The following ITPR2 variants were observed in gnomAD, a reference collection of about 807,000 sequenced individuals.
The protein encoded by ITPR2 is inositol 1,4,5-trisphosphate-gated calcium channel ITPR2.
Under a neutral mutation model 317.1 loss-of-function variants are expected in ITPR2, and 207 were observed. The ratio of observed to expected loss-of-function variants is 0.65; its 90% confidence interval spans 0.58 to 0.73. ITPR2 has a LOEUF of 0.73. Among genes scored for constraint, ITPR2 ranks in the 30% least tolerant of loss-of-function variants. The pLI is 0.00. For synonymous variants in ITPR2, 1,156 were observed against 1,149.1 expected, an observed-to-expected ratio of 1.01 and a Z score of -0.12; for missense variants, 2,613 against 3,284.0, an observed-to-expected ratio of 0.80 and a Z score of 4.99.
chr12:26,555,419 C>G (rs1408694377), intron 36 of ITPR2, among the ~76,000 whole-genome samples: 1 of 152,190 alleles, frequency 6.6e-6, no homozygotes, highest in Non-Finnish European at 1.5e-5. Flanking sequence ...ACCAAGCACC[C>G]TCTTTCTGAC....
intron 32 of ITPR2, 33 bp downstream of exon 32, chr12:26,595,432 T>C (rs1412170734): frequency 1.9e-6 from 3 of 1,590,266 alleles, no homozygotes; most frequent in Admixed American, 1.9e-5. Flanking sequence ...GAAATATCTA[T>C]TGACACCCTT....
chr12:26,510,252 C>T (rs1943304228), intron 37 of ITPR2, among the ~76,000 whole-genome samples: 1 of 152,112 alleles, frequency 6.6e-6, no homozygotes, highest in African/African-American at 2.4e-5. Context: ...TAAACGTACA[C>T]TATAATTACA....
chr12:26,637,775 T>C (rs936516910), intron 21 of ITPR2, among the ~76,000 whole-genome samples: 1 of 152,182 alleles, frequency 6.6e-6, no homozygotes, highest in Non-Finnish European at 1.5e-5. Flanking sequence ...ATAATTATAG[T>C]TCATAATGTC....
chr12:26,464,380 C>T (rs1000950430), intron 45 of ITPR2, among the ~76,000 whole-genome samples: 1 of 152,096 alleles, frequency 6.6e-6, no homozygotes. Flanking sequence ...TACCTAGATC[C>T]CTCACAAATA....
intron 9 of ITPR2, among the ~76,000 whole-genome samples, chr12:26,696,001 A>G (rs1290530863): frequency 6.9e-6 from 1 of 144,098 alleles, no homozygotes; most frequent in Non-Finnish European, 1.5e-5. Context: ...ACACAAATTA[A>G]ACAAAAAAAA....
At chr12:26,799,012 A>G (rs1043585410) in intron 1 of ITPR2, among the ~76,000 whole-genome samples, 18 of 152,234 alleles carry the variant, frequency 1.2e-4, no homozygotes, top group African/African-American at 4.1e-4. Context: ...ATTTAGCATT[A>G]TCTCCTATTT....
At chr12:26,827,116 A>T (rs1228637745) in intron 1 of ITPR2, among the ~76,000 whole-genome samples, 2 of 152,238 alleles carry the variant, frequency 1.3e-5, no homozygotes, top group Admixed American at 1.3e-4. Flanking sequence ...GCCAGTAGAA[A>T]ATAAAAATAG....
At position 26,578,772 on chromosome 12, in the gene ITPR2, C is replaced by G. The variant is rs1565616629; in HGVS notation, c.4571G>C (p.Trp1524Ser). ...QSAFRIYNCT[W>S]PNPAQKASVE... ...TGAGGCTTTCTGCGCTGGGTTTGGC[C>G]AGGTGCAATTGTAAATTCTGAAGGC... The change falls in exon 34 of 57, where the codon TGG becomes TCG. Residue 1524 changes from tryptophan (W) to serine (S), a missense_variant. This residue lies in a region of ITPR2 where 926 missense variants were observed against 1,072.8 expected (regional missense o/e 0.86). Coordinates refer to ENST00000381340, the MANE Select transcript of ITPR2 (RefSeq NM_002223.4). 10 of 1,611,434 alleles carry G rather than the reference C, an allele frequency of 6.2e-6. No individual in the cohort carries two copies. The highest frequency in any genetic ancestry group is 8.5e-6 in the Non-Finnish European group (10 of 1,178,092).
chr12:26,347,249 G>C (rs939295025), intron 55 of ITPR2, among the ~76,000 whole-genome samples: 2 of 152,200 alleles, frequency 1.3e-5, no homozygotes, highest in Admixed American at 1.3e-4. Context: ...ATGAGATTAA[G>C]AAATAATGTG....
intron 37 of ITPR2, among the ~76,000 whole-genome samples, chr12:26,537,358 T>A (rs1279830547): frequency 6.6e-6 from 1 of 152,158 alleles, no homozygotes; most frequent in Non-Finnish European, 1.5e-5. Flanking sequence ...GTTGAATGAA[T>A]AAATGGCTGC....
At chr12:26,682,226 T>C (rs566392175) in intron 12 of ITPR2, among the ~76,000 whole-genome samples, 192 bp from the exon 13 acceptor site, 3 of 152,326 alleles carry the variant, frequency 2.0e-5, no homozygotes, top group Admixed American at 2.0e-4. Flanking sequence ...TCCTGCCCTG[T>C]TCCCAAAGCC....
chr12:26,598,454 G>A (rs1945907164), intron 30 of ITPR2, among the ~76,000 whole-genome samples: 1 of 152,186 alleles, frequency 6.6e-6, no homozygotes, highest in Non-Finnish European at 1.5e-5. Flanking sequence ...TGGGCCACTA[G>A]AGAACCATTT....
intron 13 of ITPR2, among the ~76,000 whole-genome samples, chr12:26,668,380 A>G (rs1947674172): frequency 6.6e-6 from 1 of 152,234 alleles, no homozygotes; most frequent in Non-Finnish European, 1.5e-5. Context: ...ATACACATGG[A>G]TAGGGCTGGA....
At chr12:26,416,845 G>A (rs1264082851) in intron 50 of ITPR2, among the ~76,000 whole-genome samples, 3 of 151,994 alleles carry the variant, frequency 2.0e-5, no homozygotes, top group African/African-American at 7.2e-5. Flanking sequence ...AGTCAACTCA[G>A]CTGAGGTTTA....
intron 37 of ITPR2, among the ~76,000 whole-genome samples, chr12:26,507,936 T>C (rs1245832702): frequency 1.3e-5 from 2 of 151,808 alleles, no homozygotes; most frequent in Non-Finnish European, 2.9e-5. Flanking sequence ...ATATCTATTT[T>C]TGTACTCATG....
chr12:26,443,509 A>G, intron 46 of ITPR2, 34 bp downstream of exon 46: 2 of 1,497,496 alleles, frequency 1.3e-6, no homozygotes, highest in African/African-American at 1.4e-5. Flanking sequence ...AACTTTTCAC[A>G]GTTGGTCTCT....
At chr12:26,592,596 T>G (rs1419369193) in intron 32 of ITPR2, among the ~76,000 whole-genome samples, 1 of 152,208 alleles carries the variant, frequency 6.6e-6, no homozygotes, top group Non-Finnish European at 1.5e-5. Context: ...TCATTGTTAA[T>G]CAGATATTTG....
At chr12:26,536,601 G>A (rs1034564836) in intron 37 of ITPR2, among the ~76,000 whole-genome samples, 60 of 152,208 alleles carry the variant, frequency 3.9e-4, no homozygotes, top group Admixed American at 3.5e-3. Context: ...AGCAATCATG[G>A]AGTAGCAGCA....
At position 26,618,096 on chromosome 12, in the gene ITPR2, C is replaced by A. The variant is rs183958137; in HGVS notation, c.3462+3027G>T. 1.4e-4 allele frequency among the ~76,000 whole-genome samples: 22 copies of A among 152,054 alleles called. No homozygotes were observed. The East Asian group carries it at 4.2e-3, about 29-fold the overall frequency. On this transcript the variant is annotated intron_variant, in intron 26 of 56. Transcript: ENST00000381340. ...AGTAAACTAGGAAGAGAATGTGCTC[C>A]TCCATAAAGGGTATCTATAAAAGAA... is the stretch of plus-strand genomic sequence containing the variant.
Sources: gnomAD v4.1 joint callset for allele counts (sites outside exome capture counted in the v4.1 genomes callset) on GRCh38, gnomAD v4.1.1 for gene constraint, gnomAD v4.1.1 regional missense constraint, MANE v1.5 for transcripts, NCBI Gene and HGNC (gene_info 2026-07-23, HGNC 2026-07-21) for gene names.